Variants in LIFR observed in about 807,000 individuals in gnomAD.
LIFR encodes leukemia inhibitory factor receptor.
LIFR carries 84 observed loss-of-function variants against 122.2 expected under a neutral mutation model. The ratio of observed to expected loss-of-function variants is 0.69; its 90% CI spans 0.58 to 0.82. LIFR has a LOEUF of 0.82. Among genes scored for constraint, LIFR ranks in the 40% least tolerant of loss-of-function variants. The pLI is 0.00. For synonymous variants in LIFR, 422 were observed against 434.7 expected (o/e 0.97, Z 0.36); for missense variants, 1,294 against 1,311.6 (o/e 0.99, Z 0.21).
At chr5:38,512,565 G>T (rs1745857640) in intron 5 of LIFR, among the ~76,000 whole-genome samples, 1 of 152,122 alleles carries the variant, frequency 6.6e-6, no homozygotes, top group Non-Finnish European at 1.5e-5. Context: ...TATTGAGCCT[G>T]GAAAGTCAAG....
Position 38,530,726 on chromosome 5 carries a change from T to C in LIFR, c.-19-60A>G, listed in dbSNP as rs1307171990. 4 of 1,355,996 alleles carry C rather than the reference T, an allele frequency of 2.9e-6. No homozygotes were observed. The East Asian group carries it at 6.9e-5, about 23-fold the overall frequency. 84.0% of individuals were successfully genotyped at this position (1,355,996 alleles called of 1,614,324 possible). ...ATTGTTCTGAAGGCTCACCTTATAC[T>C]GTGCACACAAACACTCAAATAGATT... On this transcript the variant is annotated intron_variant, in intron 1 of 19. Transcript: ENST00000453190.
At chr5:38,489,398 C>T (rs1744454016) in intron 15 of LIFR, among the ~76,000 whole-genome samples, 153 bp from the exon 16 acceptor site, 1 of 152,096 alleles carries the variant, frequency 6.6e-6, no homozygotes, top group African/African-American at 2.4e-5. Flanking sequence ...ATCACAAACG[C>T]TTTTTTTGTG....
chr5:38,516,931 A>G (rs1746113992), intron 5 of LIFR, among the ~76,000 whole-genome samples: 1 of 152,184 alleles, frequency 6.6e-6, no homozygotes, highest in Non-Finnish European at 1.5e-5. Flanking sequence ...GTTGGAAGCC[A>G]TCATTCTCAG....
intron 2 of LIFR, among the ~76,000 whole-genome samples, chr5:38,601,289 A>G (rs916897509): frequency 6.6e-6 from 1 of 152,212 alleles, no homozygotes; most frequent in African/African-American, 2.4e-5. Flanking sequence ...TTATCTGCTG[A>G]CACCTTGATC....
chr5:38,560,065 T>A (rs1315712348), upstream of LIFR, among the ~76,000 whole-genome samples: 1 of 152,196 alleles, frequency 6.6e-6, no homozygotes, highest in Non-Finnish European at 1.5e-5. Flanking sequence ...TTAAATCACC[T>A]ACATCTTGAC....
chr5:38,564,775 C>A, intron 1 of LIFR, among the ~76,000 whole-genome samples: 1 of 132,660 alleles, frequency 7.5e-6, no homozygotes, highest in Middle Eastern at 4.2e-3. Context: ...CACACACACA[C>A]ACATATATTT....
At chr5:38,580,978 A>G (rs542164596) in intron 1 of LIFR, among the ~76,000 whole-genome samples, 4 of 152,258 alleles carry the variant, frequency 2.6e-5, no homozygotes, top group East Asian at 3.9e-4. Flanking sequence ...TAATGCTACA[A>G]TGTCTTTGGA....
intron 1 of LIFR, among the ~76,000 whole-genome samples, chr5:38,555,987 G>A (rs910972007): frequency 6.6e-6 from 1 of 152,184 alleles, no homozygotes; most frequent in Non-Finnish European, 1.5e-5. Flanking sequence ...GTTTAAAGGG[G>A]AGTTGAAGCA....
upstream of LIFR, among the ~76,000 whole-genome samples, chr5:38,595,764 G>A (rs1205779680): frequency 2.5e-5 from 3 of 118,938 alleles, no homozygotes; most frequent in African/African-American, 9.7e-5. Flanking sequence ...ACAGAGTCTC[G>A]CTCTGTCTCC....
intron 1 of LIFR, among the ~76,000 whole-genome samples, chr5:38,555,236 CAGGCTT>C (rs1299627366): frequency 6.6e-6 from 1 of 152,110 alleles, no homozygotes; most frequent in East Asian, 1.9e-4. Flanking sequence ...TTTTCTCTGC[CAGGCTT>C]AGACAAGAAA....
chr5:38,553,623 TA>T (rs1748327815), intron 1 of LIFR, among the ~76,000 whole-genome samples: 4 of 3,100 alleles, frequency 1.3e-3, no homozygotes, highest in Admixed American at 3.4e-3. Flanking sequence ...CCATTTAAAC[TA>T]TATATATATA....
At position 38,478,918 on chromosome 5, in the gene LIFR, A is replaced by G; in HGVS notation, c.*2677T>C. On this transcript the variant is annotated 3_prime_UTR_variant, in exon 20 of 20. Transcript: ENST00000453190. ...ACACATCTAGCCTCTGCTTCTAACT[A>G]GTCCTTAATTGTAGCTTCCAAGGGA... The G allele has an allele frequency of 4.4e-6, 1 of 229,306 alleles. No individual in the cohort carries two copies. The highest frequency in any genetic ancestry group is 8.7e-6 in the Non-Finnish European group (1 of 115,512). The allele number at this position is 229,306 out of a possible 1,614,324, so 14.2% of individuals were successfully genotyped here. A position where few individuals can be genotyped will look rare whatever the true frequency, so the allele number is the denominator to read the frequency against.
chr5:38,540,501 T>C (rs1410431686), intron 1 of LIFR, among the ~76,000 whole-genome samples: 2 of 152,194 alleles, frequency 1.3e-5, no homozygotes, highest in African/African-American at 4.8e-5. Flanking sequence ...ACACTTTTAA[T>C]TGGTTAAGCT....
intron 1 of LIFR, chr5:38,579,623 G>A (rs1749517930): frequency 6.6e-6 from 1 of 151,938 alleles, no homozygotes; most frequent in Non-Finnish European, 1.5e-5. Flanking sequence ...TGTTTCCATG[G>A]AACATTTTCC....
At chr5:38,555,342 C>A (rs62355827) in intron 1 of LIFR, among the ~76,000 whole-genome samples, 3,713 of 152,254 alleles carry the variant, frequency 0.024, 82 homozygotes, top group Middle Eastern at 0.075. Flanking sequence ...TGAAAAAACT[C>A]CTTGGTTTTT....
upstream of LIFR, among the ~76,000 whole-genome samples, chr5:38,596,027 C>T (rs530932961): frequency 1.9e-4 from 29 of 152,270 alleles, no homozygotes; most frequent in East Asian, 3.9e-3. Context: ...TGAGCCACCG[C>T]GCCCGGCCCA....
At chr5:38,508,864 G>A (rs1297057898) in intron 7 of LIFR, among the ~76,000 whole-genome samples, 2 of 152,160 alleles carry the variant, frequency 1.3e-5, no homozygotes, top group Admixed American at 1.3e-4. Context: ...GATTACAGGC[G>A]TAAGCCACCA....
intron 1 of LIFR, among the ~76,000 whole-genome samples, chr5:38,594,115 C>T (rs1430173970): frequency 1.3e-5 from 2 of 152,184 alleles, no homozygotes; most frequent in African/African-American, 2.4e-5. Flanking sequence ...TGGCTGGCTG[C>T]GATAAAACCT....
At chr5:38,507,036 T>C (rs1561156158) in intron 7 of LIFR, among the ~76,000 whole-genome samples, 1 of 152,166 alleles carries the variant, frequency 6.6e-6, no homozygotes, top group African/African-American at 2.4e-5. Context: ...CGAAAAGAAA[T>C]ACCAAATCAT....
Sources: gnomAD v4.1 joint callset for allele counts (sites outside exome capture counted in the v4.1 genomes callset) on GRCh38, gnomAD v4.1.1 for gene constraint, MANE v1.5 for transcripts, NCBI Gene and HGNC (gene_info 2026-07-23, HGNC 2026-07-21) for gene names.